The following KIAA0825 variants were observed in gnomAD, a reference collection of about 807,000 sequenced individuals.
KIAA0825 encodes the protein uncharacterized protein KIAA0825.
In KIAA0825, 119 loss-of-function variants were observed where a neutral mutation model predicts 147.6. The observed-to-expected ratio is 0.81, with a 90% CI of 0.69 to 0.94. The LOEUF (loss-of-function observed/expected upper bound fraction) is 0.94, where lower values mean the gene tolerates loss of function less well. KIAA0825 is among the 40% of genes least tolerant of loss of function. KIAA0825 has a pLI of 0.00. For missense variants in KIAA0825, 1,381 were observed against 1,472.7 expected, an observed-to-expected ratio of 0.94 and a Z score of 1.02; for synonymous variants, 470 against 518.1, an observed-to-expected ratio of 0.91 and a Z score of 1.26.
At chr5:94,241,377 TCACATCACGACAG>T (rs903391025) in intron 20 of KIAA0825, among the ~76,000 whole-genome samples, 3 of 152,162 alleles carry the variant, frequency 2.0e-5, no homozygotes, top group African/African-American at 7.2e-5. Context: ...TCTGAAGCCT[TCACATCACGACAG>T]GATCAAAGCC....
chr5:94,596,885 G>T (rs1484934208), intron 1 of KIAA0825, among the ~76,000 whole-genome samples: 1 of 152,096 alleles, frequency 6.6e-6, no homozygotes, highest in Non-Finnish European at 1.5e-5. Flanking sequence ...CTTGGTTGTT[G>T]TTGGTATATA....
intron 13 of KIAA0825, among the ~76,000 whole-genome samples, chr5:94,446,422 T>A (rs927713002): frequency 4.6e-5 from 7 of 152,122 alleles, no homozygotes; most frequent in African/African-American, 1.7e-4. Flanking sequence ...AAAAAGGAAG[T>A]TAACTAGTCT....
intron 2 of KIAA0825, among the ~76,000 whole-genome samples, chr5:94,556,309 C>A (rs1052813617): frequency 6.6e-6 from 1 of 152,028 alleles, no homozygotes; most frequent in African/African-American, 2.4e-5. Flanking sequence ...GGAAGTGATC[C>A]GCCTGCCTCG....
chr5:94,520,825 T>C lies in KIAA0825; in HGVS notation c.393A>G (p.Ser131=). The C allele has an allele frequency of 6.2e-7, 1 of 1,613,186 alleles. No individual in the cohort carries two copies. The highest frequency in any genetic ancestry group is 8.5e-7 in the Non-Finnish European group (1 of 1,179,386). The change falls in exon 5 of 21, where the codon TCA becomes TCG. Residue 131 remains serine (S), a synonymous_variant. Coordinates refer to ENST00000682413, the MANE Select transcript of KIAA0825 (RefSeq NM_001145678.3). The part of the protein sequence containing the change: ...LSCHSSVSFP[S]TLSGTSFHFL... ...AATGGAAAGATGTTCCACTTAGGGT[T>C]GATGGGAATGAAACGCTGCTGTGGC...
chr5:94,514,545 G>C (rs895470873), intron 5 of KIAA0825, among the ~76,000 whole-genome samples: 19 of 152,166 alleles, frequency 1.2e-4, no homozygotes, highest in Admixed American at 1.2e-3. Flanking sequence ...CATTCAGCAA[G>C]ACACAGTAAG....
chr5:94,167,180 A>G lies in KIAA0825; in HGVS notation c.3711-13056T>C, dbSNP rs369122372. ...TCTGATACGTTCTCCGGATGATGAA[A>G]ATCCACAAAAGCTTTTGCCTAATGT... On this transcript the variant is annotated intron_variant, in intron 20 of 20. Transcript: ENST00000682413. Among the ~76,000 whole-genome samples the G allele has an allele frequency of 1.4e-4, 21 of 152,298 alleles. No individual in the cohort carries two copies. The East Asian group carries it at 3.3e-3, about 24-fold the overall frequency.
At chr5:94,403,417 T>G (rs1379454359) in intron 16 of KIAA0825, among the ~76,000 whole-genome samples, 152 bp downstream of exon 16, 1 of 152,150 alleles carries the variant, frequency 6.6e-6, no homozygotes, top group Non-Finnish European at 1.5e-5. Flanking sequence ...TGGTTCATAG[T>G]AAAAATAAAA....
intron 20 of KIAA0825, among the ~76,000 whole-genome samples, chr5:94,338,289 C>T (rs1222943049): frequency 6.7e-6 from 1 of 148,454 alleles, no homozygotes; most frequent in Non-Finnish European, 1.5e-5. Flanking sequence ...ATGACTGTAT[C>T]TCCTTGAGTC....
At chr5:94,380,917 C>A (rs992892476) in intron 20 of KIAA0825, among the ~76,000 whole-genome samples, 5 of 152,226 alleles carry the variant, frequency 3.3e-5, no homozygotes, top group African/African-American at 7.2e-5. Flanking sequence ...TTGCAGTCAG[C>A]ACAGAACCAG....
chr5:94,345,830 C>T (rs76366651), intron 20 of KIAA0825, among the ~76,000 whole-genome samples: 16 of 151,912 alleles, frequency 1.1e-4, no homozygotes, highest in African/African-American at 2.4e-4. Flanking sequence ...CCGAGCTCTC[C>T]GAGTGAGCAA....
chr5:94,407,256 T>C (rs933285071), intron 15 of KIAA0825, among the ~76,000 whole-genome samples: 4 of 152,166 alleles, frequency 2.6e-5, no homozygotes, highest in Non-Finnish European at 5.9e-5. Context: ...GCAAGCAGGA[T>C]GTAAAAGGCG....
At chr5:94,528,253 T>C (rs926708869) in intron 3 of KIAA0825, among the ~76,000 whole-genome samples, 5 of 152,214 alleles carry the variant, frequency 3.3e-5, no homozygotes, top group Non-Finnish European at 7.3e-5. Context: ...CGGGACTATA[T>C]ATTAATAGCC....
chr5:94,158,976 T>C (rs1767297148), intron 20 of KIAA0825, among the ~76,000 whole-genome samples: 1 of 152,208 alleles, frequency 6.6e-6, no homozygotes, highest in Admixed American at 6.5e-5. Context: ...CTGGGTGTGG[T>C]CAGTTACACA....
At chr5:94,286,868 C>T (rs920750449) in intron 20 of KIAA0825, among the ~76,000 whole-genome samples, 5 of 152,042 alleles carry the variant, frequency 3.3e-5, no homozygotes, top group Admixed American at 2.0e-4. Flanking sequence ...GAATTTGCAC[C>T]CCCACCTCTG....
chr5:94,480,009 A>G (rs1762321203), intron 6 of KIAA0825, among the ~76,000 whole-genome samples: 1 of 152,022 alleles, frequency 6.6e-6, no homozygotes, highest in Non-Finnish European at 1.5e-5. Flanking sequence ...GTGTTTTGCA[A>G]ATAGTTTTTT....
chr5:94,318,877 G>T (rs1192076194), intron 20 of KIAA0825, among the ~76,000 whole-genome samples: 1 of 151,820 alleles, frequency 6.6e-6, no homozygotes, highest in Non-Finnish European at 1.5e-5. Context: ...AAAGAGGAGA[G>T]CCTGAAGACG....
At chr5:94,571,341 C>T (rs1779935375) in intron 2 of KIAA0825, among the ~76,000 whole-genome samples, 1 of 152,132 alleles carries the variant, frequency 6.6e-6, no homozygotes, top group East Asian at 1.9e-4. Flanking sequence ...GAAATTTGAA[C>T]CATTATTATT....
intron 16 of KIAA0825, among the ~76,000 whole-genome samples, chr5:94,398,060 C>T (rs991357713): frequency 7.9e-5 from 12 of 151,374 alleles, no homozygotes; most frequent in African/African-American, 2.2e-4. Flanking sequence ...ATACCTAATC[C>T]GTGATCAGCA....
intron 20 of KIAA0825, among the ~76,000 whole-genome samples, chr5:94,310,028 T>A (rs1260897844): frequency 6.6e-6 from 1 of 151,748 alleles, no homozygotes; most frequent in Non-Finnish European, 1.5e-5. Flanking sequence ...CATATTATGT[T>A]CAGTGTTTAT....
Sources: allele counts gnomAD v4.1 joint callset (sites outside exome capture counted in the v4.1 genomes callset), GRCh38; gene constraint gnomAD v4.1.1; transcripts MANE v1.5; gene names NCBI Gene and HGNC (gene_info 2026-07-23, HGNC 2026-07-21).